DNAI1: variants seen among roughly 807,000 people sequenced by gnomAD.
DNAI1 encodes dynein axonemal intermediate chain 1, also known as dynein, axonemal, intermediate polypeptide 1.
In DNAI1, 67 loss-of-function variants were observed where a neutral mutation model predicts 92.0. The ratio of observed to expected loss-of-function variants is 0.73; its 90% confidence interval spans 0.60 to 0.89. The LOEUF (loss-of-function observed/expected upper bound fraction) is 0.89. DNAI1 is among the 40% of genes least tolerant of loss of function. The pLI is 0.00. For missense variants in DNAI1, 839 were observed against 866.6 expected (o/e 0.97, Z 0.40); for synonymous variants, 323 against 319.6 (o/e 1.01, Z -0.11).
intron 18 of DNAI1, among the ~76,000 whole-genome samples, chr9:34,516,744 C>CTTTTCTTTTT (rs60433524): frequency 7.4e-6 from 1 of 135,066 alleles, no homozygotes; most frequent in Non-Finnish European, 1.6e-5. Flanking sequence ...CTTTTCTTTT[C>CTTTTCTTTTT]TTTTTTTTTT....
In DNAI1 at chr9:34,506,758, G is replaced by C. The variant is rs150261456; in HGVS notation, c.1195G>C (p.Val399Leu). Residue 399 changes from valine to leucine, a missense_variant, in exon 13 of 20, where the codon GTG becomes CTG. Physicochemically the swap from Val to Leu is conservative, Grantham distance 32. Transcript: ENST00000242317. ...LDIHVDHPYL[V>L]AVGHYDGNVA... ...CATCCACGTGGACCACCCCTACCTG[G>C]TGGCAGTAGGCCACTATGACGGCAA... 6 of 1,614,048 alleles carry C rather than the reference G, an allele frequency of 3.7e-6. No individual in the cohort carries two copies. The highest frequency in any genetic ancestry group is 1.3e-5 in the African/African-American group (1 of 74,922).
At chr9:34,510,864 C>G (rs1439720357) in intron 13 of DNAI1, among the ~76,000 whole-genome samples, 4 of 152,188 alleles carry the variant, frequency 2.6e-5, no homozygotes, top group African/African-American at 9.7e-5. Context: ...TTATGCCTCA[C>G]AGGCTCTGTG....
intron 13 of DNAI1, among the ~76,000 whole-genome samples, chr9:34,509,651 G>C (rs1825025387): frequency 6.6e-6 from 1 of 152,130 alleles, no homozygotes; most frequent in South Asian, 2.1e-4. Flanking sequence ...GCTGCAGCAT[G>C]AGTGATTTTG....
chr9:34,494,396 G>A (rs965293271), intron 9 of DNAI1, among the ~76,000 whole-genome samples: 1 of 152,092 alleles, frequency 6.6e-6, no homozygotes, highest in African/African-American at 2.4e-5. Flanking sequence ...ATGGCCGTGC[G>A]GGTACTGGAA....
chr9:34,498,436 C>T (rs1293189411), intron 10 of DNAI1, among the ~76,000 whole-genome samples: 1 of 152,218 alleles, frequency 6.6e-6, no homozygotes, highest in African/African-American at 2.4e-5. Context: ...ATCACCTAAG[C>T]ACTTCGCCGC....
rs1414903945 is a variant in DNAI1 at position 34,501,179 on chromosome 9, C to T, written c.1061C>T (p.Ser354Phe). The T allele has an allele frequency of 1.2e-6, 2 of 1,611,666 alleles. No individual in the cohort carries two copies. Among genetic ancestry groups the T allele is most frequent in the South Asian group, 1.1e-5 (1 of 91,030 alleles). ...YRDLFAVGYG[S>F]YDFMKQSRGM... ...GATCTGTTTGCAGTGGGATATGGCT[C>T]TTGTAAGTGATCTGACTATTCATTT... is the stretch of plus-strand genomic sequence containing the variant. The change falls in exon 12 of 20, where the codon TCT becomes TTT. Residue 354 changes from serine to phenylalanine, a missense_variant and splice_region_variant. Ser to Phe is a radical substitution (Grantham distance 155). Transcript: ENST00000242317.
intron 8 of DNAI1, among the ~76,000 whole-genome samples, chr9:34,492,083 T>C (rs1397988017): frequency 6.6e-6 from 1 of 152,202 alleles, no homozygotes; most frequent in Non-Finnish European, 1.5e-5. Context: ...GCAAACCATG[T>C]CACTTTTAAT....
Position 34,520,871 on chromosome 9 carries a change from A to G in DNAI1, c.*115A>G. On this transcript the variant is annotated 3_prime_UTR_variant, in exon 20 of 20. Transcript: ENST00000242317. ...GTGACCCCACTCCTGATCAGGTCCC[A>G]GCATCTTCCCTTCTTGTTCTGTTCC... 1.0e-6 allele frequency: 1 copy of G among 996,314 alleles called. No individual in the cohort carries two copies. Among genetic ancestry groups the G allele is most frequent in the South Asian group, 1.4e-5 (1 of 72,654 alleles). 61.7% of individuals were successfully genotyped at this position (996,314 alleles called of 1,614,324 possible). A position where few individuals can be genotyped will look rare whatever the true frequency, so the allele number is the denominator to read the frequency against.
Position 34,513,633 on chromosome 9 carries a change from C to T in DNAI1, c.1569+442C>T, listed in dbSNP as rs533500763. Among the ~76,000 whole-genome samples, 9 of 152,304 alleles carry T rather than the reference C, an allele frequency of 5.9e-5. No individual in the cohort carries two copies. In the South Asian group the frequency reaches 1.5e-3, roughly 25 times the overall value. Reference sequence around the variant, plus strand: ...CAAGGTCTCAGTGGTAGTAGGTGAACGTCCTTCTGAACTTCCATCCATCCA... The same window carrying T: ...CAAGGTCTCAGTGGTAGTAGGTGAATGTCCTTCTGAACTTCCATCCATCCA... On this transcript the variant is annotated intron_variant, in intron 16 of 19. Coordinates refer to ENST00000242317, the MANE Select transcript of DNAI1 (RefSeq NM_012144.4).
At chr9:34,482,038 C>T (rs768183230) in intron 1 of DNAI1, among the ~76,000 whole-genome samples, 3 of 152,150 alleles carry the variant, frequency 2.0e-5, no homozygotes, top group Non-Finnish European at 4.4e-5. Flanking sequence ...AATCCCTGAG[C>T]AAGATACAAA....
At chr9:34,486,220 G>T (rs11791142) in intron 4 of DNAI1, among the ~76,000 whole-genome samples, 4 of 152,134 alleles carry the variant, frequency 2.6e-5, no homozygotes, top group Admixed American at 1.3e-4. Flanking sequence ...AGACCCATTT[G>T]TTCCATGCTT....
At chr9:34,509,488 C>T (rs779170348) in intron 13 of DNAI1, among the ~76,000 whole-genome samples, 2 of 152,062 alleles carry the variant, frequency 1.3e-5, no homozygotes, top group African/African-American at 2.4e-5. Context: ...GAGAGTGGTG[C>T]TCTGTTAGGA....
At chr9:34,462,012 A>G (rs1191144615) in intron 1 of DNAI1, among the ~76,000 whole-genome samples, 1 of 152,108 alleles carries the variant, frequency 6.6e-6, no homozygotes, top group East Asian at 1.9e-4. Flanking sequence ...GGGGTGAGGG[A>G]AGATCAGGGT....
intron 9 of DNAI1, among the ~76,000 whole-genome samples, chr9:34,493,880 T>C (rs1490167769): frequency 5.3e-5 from 8 of 152,046 alleles, no homozygotes; most frequent in Admixed American, 5.2e-4. Flanking sequence ...TAGAAGTCAT[T>C]ATAAAGGTCA....
chr9:34,470,873 A>G (rs1824123115), intron 1 of DNAI1, among the ~76,000 whole-genome samples: 1 of 152,208 alleles, frequency 6.6e-6, no homozygotes, highest in Admixed American at 6.5e-5. Context: ...TTACAGTTTA[A>G]CTTAATTCAA....
At chr9:34,491,352 C>T (rs1313065383) in intron 7 of DNAI1, 143 bp from the exon 8 acceptor site, 1 of 802,104 alleles carries the variant, frequency 1.2e-6, no homozygotes, top group Non-Finnish European at 2.2e-6. Flanking sequence ...AGTTATTCAC[C>T]CAAGCCCCTC....
chr9:34,458,831 T>C lies in DNAI1; in HGVS notation c.-175T>C, dbSNP rs930937761. 4 of 684,054 alleles carry C rather than the reference T, an allele frequency of 5.8e-6. No homozygotes were observed. Among genetic ancestry groups the C allele is most frequent in the East Asian group, 2.7e-5 (1 of 36,732 alleles). 42.4% of individuals were successfully genotyped at this position (684,054 alleles called of 1,614,324 possible). On this transcript the variant is annotated 5_prime_UTR_variant, in exon 1 of 20. Transcript: ENST00000242317. The surrounding 1 kb of genome is among the most constrained non-coding windows in gnomAD (Gnocchi z 6.6). Reference sequence around the variant, plus strand: ...GTTGCTGGGTAACCGCGTCAGGGAGTTGGATTCTATCCTGCAAGGGCACGG... The same window carrying C: ...GTTGCTGGGTAACCGCGTCAGGGAGCTGGATTCTATCCTGCAAGGGCACGG...
chr9:34,491,924 C>T (rs938441753), intron 8 of DNAI1, among the ~76,000 whole-genome samples: 3 of 152,176 alleles, frequency 2.0e-5, no homozygotes, highest in African/African-American at 7.2e-5. Flanking sequence ...GCACTCTGAC[C>T]CTGCCCTCCC....
intron 10 of DNAI1, among the ~76,000 whole-genome samples, chr9:34,498,922 AC>A (rs2132070428): frequency 6.6e-6 from 1 of 152,372 alleles, no homozygotes; most frequent in African/African-American, 2.4e-5. Flanking sequence ...TTTGTCACTC[AC>A]ACAGCGTGGC....
Sources: allele counts gnomAD v4.1 joint callset (sites outside exome capture counted in the v4.1 genomes callset), GRCh38; gene constraint gnomAD v4.1.1; non-coding constraint Gnocchi (gnomAD v3.1); transcripts MANE v1.5; gene names NCBI Gene and HGNC (gene_info 2026-07-23, HGNC 2026-07-21).